The following RPS6KA6 variants were observed in gnomAD, a reference collection of about 807,000 sequenced individuals.
RPS6KA6 encodes the protein ribosomal protein S6 kinase alpha-6.
In RPS6KA6, 27 loss-of-function variants were observed where a neutral mutation model predicts 65.4. The observed-to-expected ratio is 0.41, with a 90% CI of 0.30 to 0.57. The LOEUF is 0.57. RPS6KA6 is among the 20% of genes least tolerant of loss of function. RPS6KA6 has a pLI of 0.24. For synonymous variants in RPS6KA6, 190 were observed against 184.2 expected (o/e 1.03, Z -0.26); for missense variants, 486 against 555.6 (o/e 0.87, Z 1.26).
chrX:84,069,618 T>C (rs2033487496), intron 20 of RPS6KA6, among the ~76,000 whole-genome samples: 1 of 111,296 alleles, frequency 9.0e-6, no homozygotes. Context: ...ATCATTGGAG[T>C]GAACAGGCAA....
chrX:84,161,952 G>A (rs1479109495), intron 2 of RPS6KA6, among the ~76,000 whole-genome samples: 2 of 111,611 alleles, frequency 1.8e-5, no homozygotes, highest in Non-Finnish European at 3.8e-5. Flanking sequence ...AGAAAAAACA[G>A]ATACTGGGTA....
Position 84,059,502 on chromosome X carries a change from T to G in RPS6KA6, c.*4775A>C, listed in dbSNP as rs909161713. 1 of 111,778 alleles carries G rather than the reference T, an allele frequency of 8.9e-6. No individual in the cohort carries two copies. The highest frequency in any genetic ancestry group is 1.9e-5 in the Non-Finnish European group (1 of 53,216). 9.2% of individuals were successfully genotyped at this position (111,778 alleles called of 1,213,427 possible). A position where few individuals can be genotyped will look rare whatever the true frequency, so the allele number is the denominator to read the frequency against. On this transcript the variant is annotated 3_prime_UTR_variant, in exon 22 of 22. Transcript: ENST00000262752. Reference sequence around the variant, plus strand: ...ATACTAAAAAACAAAACACTACATATTTGTTATAAGCAGCAATTTCAGAGA... The same window carrying G: ...ATACTAAAAAACAAAACACTACATAGTTGTTATAAGCAGCAATTTCAGAGA...
chrX:84,087,646 T>A (rs1360119376), intron 20 of RPS6KA6, among the ~76,000 whole-genome samples: 3 of 111,399 alleles, frequency 2.7e-5, no homozygotes, highest in Non-Finnish European at 5.6e-5. Flanking sequence ...GTGGTTGATC[T>A]TCTGGTGGAG....
chrX:84,153,213 T>G (rs960404262), intron 3 of RPS6KA6, among the ~76,000 whole-genome samples: 1 of 111,972 alleles, frequency 8.9e-6, no homozygotes, highest in African/African-American at 3.2e-5. Flanking sequence ...CAAAAATTCA[T>G]TTTTAAGTCC....
At chrX:84,073,098 G>C (rs2033582963) in intron 20 of RPS6KA6, among the ~76,000 whole-genome samples, 1 of 111,584 alleles carries the variant, frequency 9.0e-6, no homozygotes, top group Admixed American at 9.5e-5. Context: ...AAAGAACAAA[G>C]CTGGAGGCAT....
intron 20 of RPS6KA6, among the ~76,000 whole-genome samples, chrX:84,069,342 G>T (rs1345086603): frequency 9.0e-6 from 1 of 111,726 alleles, no homozygotes; most frequent in East Asian, 2.8e-4. Context: ...AAATGGTGCT[G>T]GGAAAACTGG....
rs770451195 is a variant in RPS6KA6, at chrX:84,120,186, T to G, written c.647-159A>C. On this transcript the variant is annotated intron_variant, in intron 8 of 21. Coordinates refer to ENST00000262752, the MANE Select transcript of RPS6KA6 (RefSeq NM_014496.5). ...GTGAGATCAATAAGAGAAAGCAGCC[T>G]GTATTTCATAACAATACTCTTTAAG... Among the ~76,000 whole-genome samples, 3 of 111,696 alleles carry G rather than the reference T, an allele frequency of 2.7e-5. No individual in the cohort carries two copies. The South Asian group carries it at 1.1e-3, about 41-fold the overall frequency.
At chrX:84,154,995 T>C (rs2035391723) in intron 3 of RPS6KA6, among the ~76,000 whole-genome samples, 1 of 110,859 alleles carries the variant, frequency 9.0e-6, no homozygotes. Flanking sequence ...AGGCTAGGAG[T>C]TCGAGACCAG....
chrX:84,062,370 C>T lies in RPS6KA6; in HGVS notation c.*1907G>A, dbSNP rs184893031. 1 of 111,008 alleles carries T rather than the reference C, an allele frequency of 9.0e-6. No homozygotes were observed. Among genetic ancestry groups the T allele is most frequent in the African/African-American group, 3.3e-5 (1 of 30,595 alleles). 9.1% of individuals were successfully genotyped at this position (111,008 alleles called of 1,213,427 possible). On this transcript the variant is annotated 3_prime_UTR_variant, in exon 22 of 22. Transcript: ENST00000262752. ...GAAAACTTCAACACCAAAATCACAC[C>T]TCTGAGTTTGACTTATCGATTCTGA...
chrX:84,107,720 T>C lies in RPS6KA6; in HGVS notation c.1014A>G (p.Leu338=). The change falls in exon 13 of 22, where the codon TTA becomes TTG. Residue 338 remains leucine, a synonymous_variant. Coordinates refer to ENST00000262752, the MANE Select transcript of RPS6KA6 (RefSeq NM_014496.5). ...AAGGAGGTTGAACTTCTCTTTTATA[T>C]AATTTCTAGAAGGGACAACCAGATA... ...LFFANIDWDK[L]YKREVQPPFK... 1 of 1,105,803 alleles carries C rather than the reference T, an allele frequency of 9.0e-7. No homozygotes were observed. The highest frequency in any genetic ancestry group is 3.0e-5 in the East Asian group (1 of 33,239). The allele number at this position is 1,105,803 out of a possible 1,213,427, so 91.1% of individuals were successfully genotyped here. A position where few individuals can be genotyped will look rare whatever the true frequency, so the allele number is the denominator to read the frequency against.
intron 20 of RPS6KA6, among the ~76,000 whole-genome samples, chrX:84,091,949 C>T (rs2034055117): frequency 9.0e-6 from 1 of 111,370 alleles, no homozygotes; most frequent in African/African-American, 3.3e-5. Flanking sequence ...CCAAACACTC[C>T]ATGTTCTCAC....
chrX:84,186,838 C>T (rs775798989), intron 1 of RPS6KA6: 2 of 111,169 alleles, frequency 1.8e-5, no homozygotes, highest in African/African-American at 3.3e-5. Context: ...TGGAGTAGTA[C>T]GCAGTCGATT....
At chrX:84,158,673 AC>A (rs1442571743) in intron 2 of RPS6KA6, among the ~76,000 whole-genome samples, 1 of 111,372 alleles carries the variant, frequency 9.0e-6, no homozygotes, top group Non-Finnish European at 1.9e-5. Flanking sequence ...GGACACAATA[AC>A]CCCTGAATAT....
chrX:84,136,309 ACCTGC>A (rs2034990905), intron 6 of RPS6KA6, among the ~76,000 whole-genome samples: 1 of 111,568 alleles, frequency 9.0e-6, no homozygotes, highest in Admixed American at 9.6e-5. Flanking sequence ...ATAGCTTACA[ACCTGC>A]TTGCCCATTT....
At position 84,104,500 on chromosome X, in the gene RPS6KA6, C is replaced by G; in HGVS notation, c.1613G>C (p.Gly538Ala). 8.9e-7 allele frequency: 1 copy of G among 1,126,853 alleles called. No individual in the cohort carries two copies. The highest frequency in any genetic ancestry group is 1.2e-6 in the Non-Finnish European group (1 of 850,825). The allele number at this position is 1,126,853 out of a possible 1,213,427, so 92.9% of individuals were successfully genotyped here. A position where few individuals can be genotyped will look rare whatever the true frequency, so the allele number is the denominator to read the frequency against. ...AGAAAAAAGTTAACTACAACTTACTCCTTGACAATGAAGATAGTCAACTGT... is the reference window on the plus strand; with the variant it reads ...AGAAAAAAGTTAACTACAACTTACTGCTTGACAATGAAGATAGTCAACTGT... Reference protein sequence around the residue: ...SKTVDYLHCQGVVHRDLKPSN... With the variant: ...SKTVDYLHCQAVVHRDLKPSN... Residue 538 changes from glycine to alanine, a missense_variant and splice_region_variant, in exon 17 of 22, where the codon GGA (glycine) becomes GCA (alanine). Physicochemically the swap from Gly to Ala is moderately conservative, Grantham distance 60 (BLOSUM62 0). Coordinates refer to ENST00000262752, the MANE Select transcript of RPS6KA6 (RefSeq NM_014496.5).
At chrX:84,093,390 T>C (rs1449690990) in intron 20 of RPS6KA6, among the ~76,000 whole-genome samples, 1 of 112,247 alleles carries the variant, frequency 8.9e-6, no homozygotes, top group Non-Finnish European at 1.9e-5. Context: ...GCAGTAGAAC[T>C]GTTAAAAGGT....
chrX:84,187,544 A>C (rs1016476414), intron 1 of RPS6KA6: 22 of 269,787 alleles, frequency 8.2e-5, no homozygotes, highest in Non-Finnish European at 1.1e-4. Context: ...TCGGAAAGTG[A>C]AGAAACTTAG....
intron 16 of RPS6KA6, among the ~76,000 whole-genome samples, 155 bp downstream of exon 16, chrX:84,105,632 G>GAA (rs200600575): frequency 9.1e-6 from 1 of 109,519 alleles, no homozygotes; most frequent in Non-Finnish European, 1.9e-5. Context: ...AGAATCATGG[G>GAA]AAAAAAAAGA....
At position 84,062,354 on chromosome X, in the gene RPS6KA6, A is replaced by C. The variant is rs1191795344; in HGVS notation, c.*1923T>G. On this transcript the variant is annotated 3_prime_UTR_variant, in exon 22 of 22. Coordinates refer to ENST00000262752, the MANE Select transcript of RPS6KA6 (RefSeq NM_014496.5). ...ATAGTATCTCTGTCCTGAAAACTTC[A>C]ACACCAAAATCACACCTCTGAGTTT... The C allele has an allele frequency of 9.0e-6, 1 of 111,582 alleles. No homozygotes were observed. Among genetic ancestry groups the C allele is most frequent in the Non-Finnish European group, 1.9e-5 (1 of 53,030 alleles). 9.2% of individuals were successfully genotyped at this position (111,582 alleles called of 1,213,427 possible). A position where few individuals can be genotyped will look rare whatever the true frequency, so the allele number is the denominator to read the frequency against.
Sources: gnomAD v4.1 joint callset for allele counts (sites outside exome capture counted in the v4.1 genomes callset) on GRCh38, gnomAD v4.1.1 for gene constraint, MANE v1.5 for transcripts, NCBI Gene and HGNC (gene_info 2026-07-23, HGNC 2026-07-21) for gene names.